The following GULP1 variants were observed in gnomAD, a reference collection of about 807,000 sequenced individuals.
The protein encoded by GULP1 is GULP PTB domain containing engulfment adaptor 1.
In GULP1, 19 loss-of-function variants were observed where a neutral mutation model predicts 40.9. The observed-to-expected ratio is 0.46, with a 90% CI of 0.32 to 0.68. GULP1 has a LOEUF of 0.68. GULP1 is among the 30% of genes least tolerant of loss of function. The probability of loss-of-function intolerance (pLI) is 0.03; values close to 1 mark genes in which losing one functional copy is unlikely to be tolerated. For missense variants in GULP1, 312 were observed against 362.2 expected (o/e 0.86, Z 1.12); for synonymous variants, 119 against 117.6 (o/e 1.01, Z -0.08).
At chr2:188,398,169 C>G (rs1477217548) in intron 2 of GULP1, among the ~76,000 whole-genome samples, 1 of 152,104 alleles carries the variant, frequency 6.6e-6, no homozygotes, top group African/African-American at 2.4e-5. Context: ...GGAGGAGTCA[C>G]CAGAAGCCAA....
chr2:188,521,691 A>G (rs1013170375), intron 4 of GULP1, among the ~76,000 whole-genome samples: 7 of 152,126 alleles, frequency 4.6e-5, no homozygotes, highest in South Asian at 2.1e-4. Flanking sequence ...CCCATAACAC[A>G]TGGGAATTAC....
intron 9 of GULP1, among the ~76,000 whole-genome samples, chr2:188,582,079 C>T (rs1397086299): frequency 1.3e-5 from 2 of 151,808 alleles, no homozygotes; most frequent in Non-Finnish European, 2.9e-5. Context: ...TCTTAGGTCC[C>T]GATGAATGCA....
intron 4 of GULP1, among the ~76,000 whole-genome samples, chr2:188,519,650 T>C (rs2065532986): frequency 6.6e-6 from 1 of 152,166 alleles, no homozygotes; most frequent in Non-Finnish European, 1.5e-5. Context: ...GAACTCTTCT[T>C]CCTTTCTGGA....
chr2:188,497,124 A>G (rs766894056), intron 4 of GULP1, among the ~76,000 whole-genome samples: 2 of 152,046 alleles, frequency 1.3e-5, no homozygotes, highest in African/African-American at 2.4e-5. Context: ...CCGTTTTTGA[A>G]AAAGTAATTA....
chr2:188,399,782 A>T (rs958656461), intron 2 of GULP1, among the ~76,000 whole-genome samples: 8 of 151,526 alleles, frequency 5.3e-5, no homozygotes, highest in African/African-American at 1.9e-4. Flanking sequence ...GTATAGGTGA[A>T]ATAATAATGT....
chr2:188,488,111 A>G (rs1476731976), intron 4 of GULP1, among the ~76,000 whole-genome samples: 1 of 152,046 alleles, frequency 6.6e-6, no homozygotes, highest in African/African-American at 2.4e-5. Flanking sequence ...CAAACTTTTA[A>G]CTAAACCTGC....
At chr2:188,575,317 G>A (rs1292388715) in intron 9 of GULP1, among the ~76,000 whole-genome samples, 11 of 152,092 alleles carry the variant, frequency 7.2e-5, no homozygotes, top group Admixed American at 2.6e-4. Context: ...TATAAAATGT[G>A]TACTGAAGAT....
chr2:188,434,867 A>G (rs1160696339), intron 2 of GULP1, among the ~76,000 whole-genome samples: 4 of 151,896 alleles, frequency 2.6e-5, no homozygotes, highest in African/African-American at 7.2e-5. Flanking sequence ...CATTGCTTGT[A>G]GGGATGTTAT....
chr2:188,463,046 T>G (rs2152971199), intron 2 of GULP1, among the ~76,000 whole-genome samples: 1 of 152,322 alleles, frequency 6.6e-6, no homozygotes, highest in African/African-American at 2.4e-5. Flanking sequence ...TAAGAGTAGT[T>G]CATAAACTGT....
chr2:188,505,906 C>G (rs1363779674), intron 4 of GULP1, among the ~76,000 whole-genome samples: 3 of 151,802 alleles, frequency 2.0e-5, no homozygotes, highest in Admixed American at 1.3e-4. Context: ...CTCAGACTTA[C>G]CTCTTTTTTA....
At chr2:188,534,087 TCAAA>T (rs1488080789) in intron 6 of GULP1, among the ~76,000 whole-genome samples, 5 of 152,174 alleles carry the variant, frequency 3.3e-5, no homozygotes, top group Non-Finnish European at 5.9e-5. Flanking sequence ...TCAAATAACT[TCAAA>T]CAGTTACCAT....
chr2:188,301,352 G>A (rs2036102548), intron 1 of GULP1, among the ~76,000 whole-genome samples: 1 of 152,092 alleles, frequency 6.6e-6, no homozygotes, highest in Admixed American at 6.6e-5. Flanking sequence ...CAATGACATT[G>A]GGTTAAACCA....
Position 188,360,253 on chromosome 2 carries a change from T to C in GULP1, c.-171-23510T>C, listed in dbSNP as rs534564718. ...ATTCTGGACAAAATAGGCTTTACTT[T>C]CTTTCTGAACTGCTAATAATTTTCA... On this transcript the variant is annotated intron_variant, in intron 1 of 11. Transcript: ENST00000409830. Among the ~76,000 whole-genome samples, 13 of 152,202 alleles carry C rather than the reference T, an allele frequency of 8.5e-5. No individual in the cohort carries two copies. The East Asian group carries it at 2.3e-3, about 27-fold the overall frequency.
At chr2:188,332,962 C>T (rs564257193) in intron 1 of GULP1, among the ~76,000 whole-genome samples, 2 of 152,144 alleles carry the variant, frequency 1.3e-5, no homozygotes, top group South Asian at 4.2e-4. Context: ...GGCAGGTATA[C>T]ACTGAGTGTG....
At chr2:188,478,237 C>T (rs951831665) in intron 3 of GULP1, among the ~76,000 whole-genome samples, 3 of 151,762 alleles carry the variant, frequency 2.0e-5, no homozygotes, top group African/African-American at 4.8e-5. Context: ...TAAATAACTA[C>T]GAATGTAGTA....
intron 1 of GULP1, among the ~76,000 whole-genome samples, chr2:188,323,126 G>A (rs769839173): frequency 6.6e-6 from 1 of 151,730 alleles, no homozygotes; most frequent in Non-Finnish European, 1.5e-5. Context: ...TGTAAATATC[G>A]ACACTCTTCC....
chr2:188,454,173 A>G (rs1015127092), intron 2 of GULP1, among the ~76,000 whole-genome samples: 9 of 152,206 alleles, frequency 5.9e-5, no homozygotes, highest in East Asian at 1.9e-4. Context: ...GACTAAGGAT[A>G]TGCTGACAAT....
intron 2 of GULP1, among the ~76,000 whole-genome samples, chr2:188,459,428 A>T (rs980084010): frequency 2.6e-5 from 4 of 152,068 alleles, no homozygotes; most frequent in African/African-American, 9.7e-5. Context: ...GGCTACAGAA[A>T]ATACATCCTT....
At chr2:188,495,220 A>T (rs2062788005) in intron 4 of GULP1, among the ~76,000 whole-genome samples, 1 of 152,062 alleles carries the variant, frequency 6.6e-6, no homozygotes. Context: ...GAGGAAATGT[A>T]AAGAGGGAAC....
Sources: allele counts gnomAD v4.1 joint callset (sites outside exome capture counted in the v4.1 genomes callset), GRCh38; gene constraint gnomAD v4.1.1; transcripts MANE v1.5; gene names NCBI Gene and HGNC (gene_info 2026-07-23, HGNC 2026-07-21).